The following ECE1 variants were observed in gnomAD, a reference collection of about 807,000 sequenced individuals.
ECE1 encodes the protein endothelin-converting enzyme 1.
In ECE1, 35 loss-of-function variants were observed where a neutral mutation model predicts 98.6. The observed-to-expected ratio is 0.35, with a 90% CI of 0.27 to 0.47. ECE1 has a LOEUF of 0.47. Ranked by LOEUF, ECE1 falls within the 20% of genes least tolerant of loss-of-function variation. The pLI is 1.00. For synonymous variants in ECE1, 394 were observed against 407.1 expected (o/e 0.97, Z 0.39); for missense variants, 814 against 1,025.3 (o/e 0.79, Z 2.81).
chr1:21,265,658 C>T (rs143930048), intron 4 of ECE1, among the ~76,000 whole-genome samples: 37 of 152,228 alleles, frequency 2.4e-4, no homozygotes, highest in African/African-American at 8.7e-4. Flanking sequence ...AAGGGGTGCT[C>T]GTCTCGGTAT....
intron 7 of ECE1, 43 bp from the exon 8 acceptor site, chr1:21,256,181 C>A: frequency 6.4e-7 from 1 of 1,569,142 alleles, no homozygotes; most frequent in Non-Finnish European, 8.7e-7. Flanking sequence ...TGCCCCCCCA[C>A]TATCCACTGG....
intron 1 of ECE1, among the ~76,000 whole-genome samples, chr1:21,336,127 T>C (rs1639301238): frequency 6.6e-6 from 1 of 152,202 alleles, no homozygotes; most frequent in Non-Finnish European, 1.5e-5. Flanking sequence ...ATACCTGTAA[T>C]CCCAGCACCA....
rs903663690 is a variant in ECE1, at chr1:21,307,270, G to A, written c.4-17114C>T. On this transcript the variant is annotated intron_variant, in intron 1 of 18. Coordinates refer to the ECE1 transcript ENST00000415912. The surrounding 1 kb of genome is among the most constrained non-coding windows in gnomAD (Gnocchi z 4.2). The stretch of plus-strand genomic sequence containing the variant: ...TTGCTCTTCACAGCGACTCTGGGGG[G>A]CTGGAGCTAGCATCTCCACATCATG... Among the ~76,000 whole-genome samples, 2 of 152,212 alleles carry A rather than the reference G, an allele frequency of 1.3e-5. No homozygotes were observed. The highest frequency in any genetic ancestry group is 2.9e-5 in the Non-Finnish European group (2 of 68,036).
rs920653116 is a variant in ECE1, at chr1:21,247,357, C to A, written c.1027G>T (p.Ala343Ser). ...AAAGGCAACCAGTTGATGGCGGGTG[C>A]CAAGGTCTGCAAGGGAAAAGGACAG... ...KVTAAELQTL[A>S]PAINWLPFLN... The change falls in exon 9 of 19, where the codon GCA becomes TCA. Residue 343 changes from alanine (A) to serine (S), a missense_variant. Ala to Ser is a moderately conservative substitution (Grantham distance 99). Around this residue, in one of 3 missense-constraint regions of ECE1, gnomAD observed 105 missense variants for 179.1 expected, o/e 0.59. Transcript: ENST00000374893. The A allele has an allele frequency of 6.2e-7, 1 of 1,614,064 alleles. No individual in the cohort carries two copies. The highest frequency in any genetic ancestry group is 1.3e-5 in the African/African-American group (1 of 74,920).
At chr1:21,316,240 C>A (rs1320263297) in intron 1 of ECE1, among the ~76,000 whole-genome samples, 1 of 152,090 alleles carries the variant, frequency 6.6e-6, no homozygotes, top group East Asian at 1.9e-4. Flanking sequence ...TCCCATGATG[C>A]CGTGGGTTTA....
At chr1:21,238,465 C>A in intron 10 of ECE1, 1 of 607,274 alleles carries the variant, frequency 1.6e-6, no homozygotes, top group Middle Eastern at 4.4e-4. Context: ...TGTGCTGGGA[C>A]TTCACAAATA....
At chr1:21,334,481 C>A (rs1050365606) in intron 1 of ECE1, among the ~76,000 whole-genome samples, 5 of 152,242 alleles carry the variant, frequency 3.3e-5, no homozygotes, top group African/African-American at 1.2e-4. Flanking sequence ...GAACAGCAGC[C>A]CTGGAGCAGA....
intron 1 of ECE1, among the ~76,000 whole-genome samples, chr1:21,318,031 A>G (rs1456798978): frequency 6.6e-6 from 1 of 152,238 alleles, no homozygotes. Flanking sequence ...GTGCACCTTG[A>G]AGGTATCAGA....
In ECE1 at chr1:21,220,887, G is replaced by C. The variant is rs998555132; in HGVS notation, c.2137-756C>G. The stretch of plus-strand genomic sequence containing the variant: ...GGGGAGTCAGGAGGGTCCCCTGAGC[G>C]GGTCAGGAAGAGACAGTGGGCTGGT... On this transcript the variant is annotated intron_variant, in intron 18 of 18. Transcript: ENST00000374893. The surrounding 1 kb of genome is among the most constrained non-coding windows in gnomAD (Gnocchi z 5.0). 6.6e-6 allele frequency among the ~76,000 whole-genome samples: 1 copy of C among 152,126 alleles called. No homozygotes were observed. The highest frequency in any genetic ancestry group is 1.5e-5 in the Non-Finnish European group (1 of 68,026).
chr1:21,345,409 G>A lies in ECE1; in HGVS notation c.-31C>T. The A allele has an allele frequency of 1.5e-6, 2 of 1,328,016 alleles. No individual in the cohort carries two copies. The highest frequency in any genetic ancestry group is 3.8e-5 in the South Asian group (2 of 52,834). The allele number at this position is 1,328,016 out of a possible 1,614,324, so 82.3% of individuals were successfully genotyped here. A position where few individuals can be genotyped will look rare whatever the true frequency, so the allele number is the denominator to read the frequency against. ...GCGTGCTCCGCCCCGGCTTCGCGCA[G>A]CTCCCCGCGCCCGGCTCCCGATTCC... On this transcript the variant is annotated 5_prime_UTR_variant, in exon 1 of 19. Transcript: ENST00000415912. This position sits in a 1 kb window ranked among gnomAD's most constrained non-coding sequence, Gnocchi z 5.1.
At chr1:21,281,180 A>G (rs574555210) in intron 2 of ECE1, among the ~76,000 whole-genome samples, 5 of 152,044 alleles carry the variant, frequency 3.3e-5, no homozygotes, top group Admixed American at 3.3e-4. Flanking sequence ...ACAGAGCAAG[A>G]CTCCGTCTCG....
chr1:21,328,296 A>G (rs2103409560), intron 1 of ECE1, among the ~76,000 whole-genome samples: 1 of 152,310 alleles, frequency 6.6e-6, no homozygotes, highest in South Asian at 2.1e-4. Context: ...ATAAACTCCC[A>G]TAGCAACCTG....
At chr1:21,272,668 C>T in intron 4 of ECE1, 31 bp downstream of exon 4, 1 of 1,613,516 alleles carries the variant, frequency 6.2e-7, no homozygotes, top group Non-Finnish European at 8.5e-7. Context: ...CCGCTGTGGC[C>T]CATTTATTGG....
intron 1 of ECE1, among the ~76,000 whole-genome samples, chr1:21,324,395 A>ACACTC (rs917111841): frequency 4.6e-5 from 7 of 152,170 alleles, no homozygotes; most frequent in African/African-American, 1.7e-4. Flanking sequence ...ACTGACAGGG[A>ACACTC]CACTCCACCC....
Position 21,258,883 on chromosome 1 carries a change from G to A in ECE1, c.616-44C>T. 6.2e-7 allele frequency: 1 copy of A among 1,611,768 alleles called. No homozygotes were observed. The highest frequency in any genetic ancestry group is 8.5e-7 in the Non-Finnish European group (1 of 1,178,980). ...GGCAGGGAGGTGATGAGGTGGCGGG[G>A]AGACCCAGATGTGAATTCTGGTTCT... On this transcript the variant is annotated intron_variant, in intron 5 of 18. Transcript: ENST00000374893. This position sits in a 1 kb window ranked among gnomAD's most constrained non-coding sequence, Gnocchi z 4.2.
At chr1:21,299,102 C>A in intron 1 of ECE1, 1 of 336,366 alleles carries the variant, frequency 3.0e-6, no homozygotes, top group Non-Finnish European at 6.0e-6. Context: ...CAAAGTTAAC[C>A]CGTCTCATTG....
chr1:21,271,049 A>G (rs1569589339), intron 4 of ECE1, among the ~76,000 whole-genome samples: 1 of 152,350 alleles, frequency 6.6e-6, no homozygotes, highest in Non-Finnish European at 1.5e-5. Context: ...ATGCCCTTTC[A>G]AAGGCACTTT....
rs145025789 is a variant in ECE1, at chr1:21,276,352, C to T, written c.280+2839G>A. 3.5e-3 allele frequency among the ~76,000 whole-genome samples: 525 copies of T among 151,322 alleles called. 1 individual carries two copies. The highest frequency in any genetic ancestry group is 6.1e-3 in the South Asian group (29 of 4,774). ...CAATACGTGTTTTTGAATGAACAACCGAATGAATGAAAGGCCTTATTCAGC... is the reference window on the plus strand; with the variant it reads ...CAATACGTGTTTTTGAATGAACAACTGAATGAATGAAAGGCCTTATTCAGC... On this transcript the variant is annotated intron_variant, in intron 3 of 18. Coordinates refer to ENST00000374893, the MANE Select transcript of ECE1 (RefSeq NM_001397.3).
In ECE1 at chr1:21,217,911, A is replaced by AGGAT. The variant is rs1183337729; in HGVS notation, c.*2040_*2043dup. ...TGCCGTCTGCTTCCTCTCGGGCAGG[A>AGGAT]GGATTCCAGCTTCCCGGGTGAGGGG... On this transcript the variant is annotated 3_prime_UTR_variant, in exon 19 of 19. Transcript: ENST00000374893. 1 of 152,472 alleles carries AGGAT rather than the reference A, an allele frequency of 6.6e-6. No individual in the cohort carries two copies. The highest frequency in any genetic ancestry group is 1.5e-5 in the Non-Finnish European group (1 of 68,286). The allele number at this position is 152,472 out of a possible 1,614,324, so 9.4% of individuals were successfully genotyped here.
Sources: allele counts gnomAD v4.1 joint callset (sites outside exome capture counted in the v4.1 genomes callset), GRCh38; gene constraint gnomAD v4.1.1; regional missense constraint gnomAD v4.1.1; non-coding constraint Gnocchi (gnomAD v3.1); transcripts MANE v1.5; gene names NCBI Gene and HGNC (gene_info 2026-07-23, HGNC 2026-07-21).